The following RYR2 variants were observed in gnomAD, a reference collection of about 807,000 sequenced individuals.
RYR2 encodes the protein ryanodine receptor 2.
A neutral mutation model predicts 601.1 loss-of-function variants in RYR2; 227 were observed. The ratio of observed to expected loss-of-function variants is 0.38; its 90% confidence interval spans 0.34 to 0.42. RYR2 has a LOEUF of 0.42. RYR2 is among the 10% of genes least tolerant of loss of function. The pLI, the probability that RYR2 is intolerant of heterozygous loss-of-function variation, is 1.00. For synonymous variants in RYR2, 2,223 were observed against 2,175.1 expected, an observed-to-expected ratio of 1.02 and a Z score of -0.61; for missense variants, 4,646 against 6,156.5, an observed-to-expected ratio of 0.75 and a Z score of 8.21.
At chr1:237,396,127 G>T (rs1356017310) in intron 10 of RYR2, among the ~76,000 whole-genome samples, 2 of 152,172 alleles carry the variant, frequency 1.3e-5, no homozygotes, top group African/African-American at 2.4e-5. Context: ...TTGGTTGTGA[G>T]GTCCCCCATT....
At position 237,550,700 on chromosome 1, in the gene RYR2, G is replaced by T; in HGVS notation, c.3214+9G>T. The T allele has an allele frequency of 1.3e-6, 2 of 1,539,408 alleles. No homozygotes were observed. Among genetic ancestry groups the T allele is most frequent in the Non-Finnish European group, 1.8e-6 (2 of 1,142,648 alleles). On this transcript the variant is annotated intron_variant, in intron 27 of 104. Transcript: ENST00000366574. The stretch of plus-strand genomic sequence containing the variant: ...ACCAGATCAAGATCATGGTATTTTG[G>T]TTTTACTTTCCTCTTCTTCGGTTGC...
intron 1 of RYR2, among the ~76,000 whole-genome samples, chr1:237,212,315 TTTTAACGGC>T (rs1259175217): frequency 3.3e-5 from 5 of 152,212 alleles, no homozygotes; most frequent in Non-Finnish European, 5.9e-5. Flanking sequence ...CCACCAACAT[TTTTAACGGC>T]TTCATGGTGT....
At chr1:237,301,829 C>T (rs537308996) in intron 2 of RYR2, among the ~76,000 whole-genome samples, 8 of 152,206 alleles carry the variant, frequency 5.3e-5, no homozygotes, top group East Asian at 3.9e-4. Flanking sequence ...GGCTCCCAGA[C>T]GGTGACTTTC....
intron 1 of RYR2, among the ~76,000 whole-genome samples, chr1:237,075,256 A>C (rs1014247845): frequency 1.3e-5 from 2 of 152,002 alleles, no homozygotes; most frequent in African/African-American, 2.4e-5. Flanking sequence ...TGTTGGAAAG[A>C]AAGTCTGCGG....
At chr1:237,169,490 G>A (rs947863008) in intron 1 of RYR2, among the ~76,000 whole-genome samples, 6 of 151,600 alleles carry the variant, frequency 4.0e-5, no homozygotes, top group Non-Finnish European at 5.9e-5. Context: ...AGTAGACACA[G>A]GGTTTCACCA....
At chr1:237,646,245 G>A (rs889304696) in intron 48 of RYR2, among the ~76,000 whole-genome samples, 12 of 151,354 alleles carry the variant, frequency 7.9e-5, no homozygotes, top group Non-Finnish European at 1.6e-4. Flanking sequence ...GGAGTCTGAG[G>A]CAGGAGAATC....
At chr1:237,273,998 C>A (rs1222488280) in intron 2 of RYR2, among the ~76,000 whole-genome samples, 1 of 144,082 alleles carries the variant, frequency 6.9e-6, no homozygotes, top group Admixed American at 7.0e-5. Flanking sequence ...AATGTACATT[C>A]ATGTTTATTA....
At chr1:237,717,830 C>T (rs994766658) in intron 72 of RYR2, among the ~76,000 whole-genome samples, 5 of 151,832 alleles carry the variant, frequency 3.3e-5, no homozygotes, top group African/African-American at 7.2e-5. Flanking sequence ...CAAGATTTTA[C>T]AATGTCCTCT....
chr1:237,683,718 A>T (rs1159330762), intron 62 of RYR2, among the ~76,000 whole-genome samples: 2 of 152,162 alleles, frequency 1.3e-5, no homozygotes, highest in African/African-American at 2.4e-5. Context: ...AATACTAAGA[A>T]GCTATTAAAG....
At chr1:237,393,251 C>A (rs1468491484) in intron 10 of RYR2, among the ~76,000 whole-genome samples, 1 of 152,142 alleles carries the variant, frequency 6.6e-6, no homozygotes, top group African/African-American at 2.4e-5. Context: ...TAGTTTCTGA[C>A]AGTATCTGGA....
chr1:237,642,485 A>T (rs1361624624), intron 47 of RYR2, among the ~76,000 whole-genome samples: 1 of 152,244 alleles, frequency 6.6e-6, no homozygotes, highest in Admixed American at 6.5e-5. Context: ...AGAAAAAAAC[A>T]TCAGCGAAAC....
intron 1 of RYR2, among the ~76,000 whole-genome samples, chr1:237,188,841 C>T (rs530824803): frequency 1.3e-5 from 2 of 152,268 alleles, no homozygotes; most frequent in African/African-American, 4.8e-5. Flanking sequence ...TGCGGACTGC[C>T]TTAATATTTT....
Position 237,770,835 on chromosome 1 carries a change from C to A in RYR2, c.11505C>A (p.Phe3835Leu). The change falls in exon 85 of 105, where the codon TTC (phenylalanine) becomes TTA (leucine). Residue 3835 changes from phenylalanine to leucine, a missense_variant. Physicochemically the swap from Phe to Leu is conservative, Grantham distance 22. Around this residue, in one of 17 missense-constraint regions of RYR2, gnomAD observed 1,497 missense variants for 1,842.6 expected, o/e 0.81. Transcript: ENST00000366574. ...SGEKVLQDDE[F>L]TCDLFRFLQL... Reference sequence around the variant, plus strand: ...AAAAGGTTCTGCAGGACGATGAGTTCACCTGTGACCTCTTCCGATTCCTGC... The same window carrying A: ...AAAAGGTTCTGCAGGACGATGAGTTAACCTGTGACCTCTTCCGATTCCTGC... 2 of 1,554,118 alleles carry A rather than the reference C, an allele frequency of 1.3e-6. No individual in the cohort carries two copies. Among genetic ancestry groups the A allele is most frequent in the South Asian group, 1.2e-5 (1 of 84,286 alleles).
intron 35 of RYR2, among the ~76,000 whole-genome samples, chr1:237,603,676 G>A (rs142166122): frequency 0.036 from 5,550 of 152,212 alleles, 189 homozygotes; most frequent in African/African-American, 0.089. Context: ...GTATTCAGGA[G>A]ACCCATCTCA....
intron 1 of RYR2, among the ~76,000 whole-genome samples, chr1:237,240,870 A>G (rs79873879): frequency 0.036 from 5,417 of 152,236 alleles, 310 homozygotes; most frequent in African/African-American, 0.12. Flanking sequence ...CATTTTATAT[A>G]TAAGTAAAAC....
chr1:237,764,362 T>C (rs1380633228), intron 84 of RYR2, among the ~76,000 whole-genome samples: 1 of 151,610 alleles, frequency 6.6e-6, no homozygotes, highest in Non-Finnish European at 1.5e-5. Flanking sequence ...GTTCATATTC[T>C]TCAGGGGCTT....
chr1:237,162,739 G>A (rs1676170425), intron 1 of RYR2, among the ~76,000 whole-genome samples: 1 of 152,126 alleles, frequency 6.6e-6, no homozygotes, highest in African/African-American at 2.4e-5. Context: ...GAGGGGTATT[G>A]TAAAGTGGAA....
intron 80 of RYR2, among the ~76,000 whole-genome samples, chr1:237,750,697 C>CA: frequency 6.6e-6 from 1 of 151,988 alleles, no homozygotes; most frequent in African/African-American, 2.4e-5. Context: ...CTGAGGATGA[C>CA]AAAAAATGTC....
At chr1:237,687,388 TTCCCCCTGTCTTTTC>T in intron 62 of RYR2, 52 bp from the exon 63 acceptor site, 1 of 628,072 alleles carries the variant, frequency 1.6e-6, no homozygotes, top group Non-Finnish European at 2.7e-6. Context: ...TTTTTTTAAT[TTCCCCCTGTCTTTTC>T]TACCTTCCCT....
Sources: allele counts gnomAD v4.1 joint callset (sites outside exome capture counted in the v4.1 genomes callset), GRCh38; gene constraint gnomAD v4.1.1; regional missense constraint gnomAD v4.1.1; transcripts MANE v1.5; gene names NCBI Gene and HGNC (gene_info 2026-07-23, HGNC 2026-07-21).